SLC35F4: variants seen among roughly 807,000 people sequenced by gnomAD.
The protein encoded by SLC35F4 is chromosome 14 open reading frame 36.
SLC35F4 carries 24 observed loss-of-function variants against 44.2 expected under a neutral mutation model. The ratio of observed to expected loss-of-function variants is 0.54; its 90% CI spans 0.39 to 0.76. The LOEUF (loss-of-function observed/expected upper bound fraction) is 0.76. Among genes scored for constraint, SLC35F4 ranks in the 30% least tolerant of loss-of-function variants. The probability of loss-of-function intolerance (pLI) is 0.00; values close to 1 mark genes in which losing one functional copy is unlikely to be tolerated. For missense variants in SLC35F4, 562 were observed against 586.1 expected, an observed-to-expected ratio of 0.96 and a Z score of 0.42; for synonymous variants, 238 against 223.6, an observed-to-expected ratio of 1.06 and a Z score of -0.57.
rs142810933 is a variant in SLC35F4, at chr14:57,712,046, T to C, written c.104-117922A>G. 3.3e-5 allele frequency among the ~76,000 whole-genome samples: 5 copies of C among 152,364 alleles called. No homozygotes were observed. In the East Asian group the frequency reaches 9.6e-4, roughly 29 times the overall value. On this transcript the variant is annotated intron_variant, in intron 1 of 7. Transcript: ENST00000556826. Reference sequence around the variant, plus strand: ...CATAGCATGGCATATGGAGGTTTCATCCTAGATCTTGGATTATTGTCAATT... The same window carrying C: ...CATAGCATGGCATATGGAGGTTTCACCCTAGATCTTGGATTATTGTCAATT...
At chr14:57,618,035 T>A (rs148570950) in intron 1 of SLC35F4, among the ~76,000 whole-genome samples, 9 of 152,302 alleles carry the variant, frequency 5.9e-5, no homozygotes, top group African/African-American at 2.2e-4. Context: ...AGTTGTTTTC[T>A]TTTTACATTT....
chr14:57,573,534 A>G (rs2068622272), intron 4 of SLC35F4, among the ~76,000 whole-genome samples: 2 of 152,164 alleles, frequency 1.3e-5, no homozygotes, highest in Non-Finnish European at 1.5e-5. Context: ...TCTAAATAAT[A>G]AGTAATAGAC....
At chr14:57,818,234 C>G (rs1882813393) in intron 1 of SLC35F4, among the ~76,000 whole-genome samples, 1 of 152,116 alleles carries the variant, frequency 6.6e-6, no homozygotes, top group Admixed American at 6.6e-5. Flanking sequence ...GGGTCTGGAA[C>G]CAACAGTGAA....
chr14:57,681,134 A>G (rs1566757736), intron 1 of SLC35F4, among the ~76,000 whole-genome samples: 2 of 152,158 alleles, frequency 1.3e-5, no homozygotes, highest in Admixed American at 1.3e-4. Flanking sequence ...CTATAAGGTT[A>G]CAGTAACCAA....
chr14:57,746,512 A>T (rs1436739466), intron 1 of SLC35F4, among the ~76,000 whole-genome samples: 1 of 152,162 alleles, frequency 6.6e-6, no homozygotes, highest in Non-Finnish European at 1.5e-5. Context: ...ATTGATCATG[A>T]TGTGTTATCC....
At chr14:57,587,026 C>A (rs1342029155) in intron 3 of SLC35F4, among the ~76,000 whole-genome samples, 3 of 151,540 alleles carry the variant, frequency 2.0e-5, no homozygotes, top group African/African-American at 7.3e-5. Context: ...AAAAAAAGCT[C>A]ATCATCACTG....
chr14:57,736,398 C>T (rs2076464849), intron 1 of SLC35F4, among the ~76,000 whole-genome samples: 1 of 152,190 alleles, frequency 6.6e-6, no homozygotes, highest in Admixed American at 6.5e-5. Context: ...ACAATACCAG[C>T]TGTGATATGT....
chr14:57,925,206 G>T (rs1889533267), intron 1 of SLC35F4, among the ~76,000 whole-genome samples: 1 of 151,968 alleles, frequency 6.6e-6, no homozygotes, highest in Non-Finnish European at 1.5e-5. Context: ...CCTACACTGG[G>T]GATCAAATTT....
At chr14:57,880,408 C>G (rs549511579) in intron 1 of SLC35F4, among the ~76,000 whole-genome samples, 15 of 152,224 alleles carry the variant, frequency 9.9e-5, no homozygotes, top group Non-Finnish European at 2.1e-4. Context: ...TGTGCTACCT[C>G]AAGAAGGAGT....
intron 1 of SLC35F4, among the ~76,000 whole-genome samples, chr14:57,935,935 C>G (rs993053090): frequency 5.9e-5 from 9 of 152,178 alleles, no homozygotes; most frequent in Admixed American, 5.9e-4. Context: ...TGGATTAAAT[C>G]AGCAGTATTT....
chr14:57,648,828 G>A (rs1278025240), intron 1 of SLC35F4, among the ~76,000 whole-genome samples: 2 of 152,162 alleles, frequency 1.3e-5, no homozygotes, highest in Non-Finnish European at 2.9e-5. Flanking sequence ...TAAAATACAG[G>A]TAATATATTG....
chr14:57,738,202 T>C (rs897161429), intron 1 of SLC35F4, among the ~76,000 whole-genome samples: 11 of 152,172 alleles, frequency 7.2e-5, no homozygotes, highest in African/African-American at 2.7e-4. Flanking sequence ...CATCTGTTGA[T>C]TGCAAAAACT....
chr14:57,796,555 T>C (rs2078058223), intron 1 of SLC35F4, among the ~76,000 whole-genome samples: 2 of 152,148 alleles, frequency 1.3e-5, no homozygotes, highest in Admixed American at 6.6e-5. Flanking sequence ...TTAAAAATAT[T>C]AAAAGTCATA....
At chr14:57,693,722 T>C (rs2075298694) in intron 1 of SLC35F4, among the ~76,000 whole-genome samples, 1 of 152,164 alleles carries the variant, frequency 6.6e-6, no homozygotes, top group East Asian at 1.9e-4. Context: ...CACCTCTATA[T>C]TTCTGTGTGT....
At chr14:57,940,804 C>A (rs1468251157) in intron 1 of SLC35F4, among the ~76,000 whole-genome samples, 3 of 152,164 alleles carry the variant, frequency 2.0e-5, no homozygotes, top group African/African-American at 7.2e-5. Flanking sequence ...CTTCTTCTCC[C>A]CCTATCAAAA....
chr14:57,750,012 C>T (rs1449320443), intron 1 of SLC35F4, among the ~76,000 whole-genome samples: 4 of 152,118 alleles, frequency 2.6e-5, no homozygotes, highest in African/African-American at 7.2e-5. Flanking sequence ...ATGTTGTACT[C>T]GTTAAGTAAT....
intron 1 of SLC35F4, among the ~76,000 whole-genome samples, chr14:57,600,718 A>AAAC (rs1566668073): frequency 2.7e-5 from 4 of 146,824 alleles, no homozygotes; most frequent in African/African-American, 1.0e-4. Flanking sequence ...AAAAAAAAAA[A>AAAC]ACCAAAAAGA....
chr14:57,731,361 T>C (rs2076340055), intron 1 of SLC35F4, among the ~76,000 whole-genome samples: 2 of 152,190 alleles, frequency 1.3e-5, no homozygotes. Flanking sequence ...TCCCCAAACA[T>C]TATTTTCTAA....
downstream of SLC35F4, among the ~76,000 whole-genome samples, chr14:57,972,099 G>C (rs1182730650): frequency 2.6e-5 from 4 of 152,096 alleles, no homozygotes; most frequent in South Asian, 4.1e-4. Context: ...AAAAGAGTGT[G>C]ATGTGTTCCA....
Sources: allele counts gnomAD v4.1 joint callset (sites outside exome capture counted in the v4.1 genomes callset), GRCh38; gene constraint gnomAD v4.1.1; transcripts MANE v1.5; gene names NCBI Gene and HGNC (gene_info 2026-07-23, HGNC 2026-07-21).